Variants in ZCCHC2 observed in about 807,000 individuals in gnomAD.
ZCCHC2 encodes the protein zinc finger CCHC-type containing 2, also known as zinc finger CCHC domain-containing protein 2.
A neutral mutation model predicts 103.6 loss-of-function variants in ZCCHC2; 39 were observed. That is an observed-to-expected ratio of 0.38 (90% CI 0.29 to 0.49). ZCCHC2 has a LOEUF of 0.49. Ranked by LOEUF, ZCCHC2 falls within the 20% of genes least tolerant of loss-of-function variation. The pLI, the probability that ZCCHC2 is intolerant of heterozygous loss-of-function variation, is 0.96. For missense variants in ZCCHC2, 1,483 were observed against 1,491.0 expected, an observed-to-expected ratio of 0.99 and a Z score of 0.09; for synonymous variants, 687 against 608.9, an observed-to-expected ratio of 1.13 and a Z score of -1.89.
downstream of ZCCHC2, among the ~76,000 whole-genome samples, chr18:62,579,107 T>C (rs1422390466): frequency 2.6e-5 from 4 of 152,118 alleles, no homozygotes; most frequent in Non-Finnish European, 4.4e-5. Flanking sequence ...GCGTGACCAC[T>C]AGAGAAAGGG....
At chr18:62,539,250 A>G (rs1178855848) in intron 1 of ZCCHC2, among the ~76,000 whole-genome samples, 1 of 152,194 alleles carries the variant, frequency 6.6e-6, no homozygotes, top group African/African-American at 2.4e-5. Context: ...TATTGATGAT[A>G]CCTTTCATAA....
At position 62,576,480 on chromosome 18, in the gene ZCCHC2, G is replaced by A. The variant is rs190302004; in HGVS notation, c.3470-32G>A. On this transcript the variant is annotated intron_variant, in intron 13 of 13. Transcript: ENST00000269499. Reference sequence around the variant, plus strand: ...GGTTTGTGATGACGTTTGCTTGTAAGCGGTGACTTAGTTCTGTCTTTCCCA... The same window carrying A: ...GGTTTGTGATGACGTTTGCTTGTAAACGGTGACTTAGTTCTGTCTTTCCCA... 1,450 of 1,588,806 alleles carry A rather than the reference G, an allele frequency of 9.1e-4. 1 individual carries two copies. Among genetic ancestry groups the A allele is most frequent in the Non-Finnish European group, 1.1e-3 (1,274 of 1,158,060 alleles).
chr18:62,576,446 G>A, intron 13 of ZCCHC2, 66 bp from the exon 14 acceptor site: 1 of 1,402,362 alleles, frequency 7.1e-7, no homozygotes, highest in Non-Finnish European at 1.0e-6. Context: ...GTGATAGCTT[G>A]TACGTAGTGG....
chr18:62,579,233 A>G (rs986816769), downstream of ZCCHC2, among the ~76,000 whole-genome samples: 1 of 152,240 alleles, frequency 6.6e-6, no homozygotes, highest in East Asian at 1.9e-4. Context: ...TTTAGCCACT[A>G]AAAGTGTAAA....
At chr18:62,525,794 T>C (rs1350545872) in intron 1 of ZCCHC2, 1 of 152,194 alleles carries the variant, frequency 6.6e-6, no homozygotes, top group Non-Finnish European at 1.5e-5. Context: ...ACCACTAGCA[T>C]GCAGTGCGTG....
At chr18:62,530,623 G>C (rs1914635578) in intron 1 of ZCCHC2, among the ~76,000 whole-genome samples, 1 of 152,040 alleles carries the variant, frequency 6.6e-6, no homozygotes, top group South Asian at 2.1e-4. Flanking sequence ...CAATTGAAAA[G>C]GTGGTATTTG....
intron 5 of ZCCHC2, among the ~76,000 whole-genome samples, chr18:62,553,261 T>A (rs566643411): frequency 8.9e-4 from 136 of 152,022 alleles, no homozygotes; most frequent in Non-Finnish European, 1.6e-3. Flanking sequence ...TTCTGCCACT[T>A]TTTTCTTTAA....
At chr18:62,550,141 T>C (rs943964408) in intron 4 of ZCCHC2, among the ~76,000 whole-genome samples, 3 of 152,012 alleles carry the variant, frequency 2.0e-5, no homozygotes, top group Non-Finnish European at 4.4e-5. Context: ...AGCCCTGAGG[T>C]TCAGTCAGAA....
chr18:62,532,362 C>T (rs1489426094), intron 1 of ZCCHC2, among the ~76,000 whole-genome samples: 1 of 152,232 alleles, frequency 6.6e-6, no homozygotes, highest in Non-Finnish European at 1.5e-5. Context: ...ACACCGTTCT[C>T]TGTTGGGACT....
intron 1 of ZCCHC2, chr18:62,526,745 C>G (rs377272554): frequency 2.6e-5 from 4 of 152,180 alleles, no homozygotes; most frequent in South Asian, 4.1e-4. Context: ...ACGCAACGCC[C>G]GGAGCTAGCG....
At chr18:62,557,157 C>T (rs1484287445) in intron 6 of ZCCHC2, among the ~76,000 whole-genome samples, 2 of 152,118 alleles carry the variant, frequency 1.3e-5, no homozygotes, top group African/African-American at 2.4e-5. Flanking sequence ...TGAGTTTTGC[C>T]CTCTTATTTC....
chr18:62,524,118 GAGA>G lies in ZCCHC2; in HGVS notation c.697_699del (p.Lys233del). ...GGACGGCGACGGCGAGCAGGACGCC[GAGA>G]AGGACGGCTCAGGCCCGGAAGGCGG... On this transcript the variant is annotated inframe_deletion, in exon 1 of 14. Coordinates refer to ENST00000269499, the MANE Select transcript of ZCCHC2 (RefSeq NM_017742.6). 6.5e-7 allele frequency: 1 copy of G among 1,529,370 alleles called. No homozygotes were observed. Among genetic ancestry groups the G allele is most frequent in the Non-Finnish European group, 8.8e-7 (1 of 1,141,752 alleles). The allele number at this position is 1,529,370 out of a possible 1,614,324, so 94.7% of individuals were successfully genotyped here.
Position 62,524,110 on chromosome 18 carries a change from A to T in ZCCHC2, c.686A>T (p.Gln229Leu). 1 of 1,524,442 alleles carries T rather than the reference A, an allele frequency of 6.6e-7. No individual in the cohort carries two copies. Among genetic ancestry groups the T allele is most frequent in the Non-Finnish European group, 8.8e-7 (1 of 1,140,354 alleles). 94.4% of individuals were successfully genotyped at this position (1,524,442 alleles called of 1,614,324 possible). A position where few individuals can be genotyped will look rare whatever the true frequency, so the allele number is the denominator to read the frequency against. The change falls in exon 1 of 14, where the codon CAG becomes CTG. Residue 229 changes from glutamine (Q) to leucine (L), a missense_variant. Around this residue, in one of 3 missense-constraint regions of ZCCHC2, gnomAD observed 568 missense variants for 525.1 expected, o/e 1.08. Transcript: ENST00000269499. The stretch of plus-strand genomic sequence containing the variant: ...CGCGGCGAGGACGGCGACGGCGAGC[A>T]GGACGCCGAGAAGGACGGCTCAGGC... ...DERGEDGDGE[Q>L]DAEKDGSGPE... is the part of the protein sequence containing the mutation.
At chr18:62,557,158 C>G (rs747466420) in intron 6 of ZCCHC2, among the ~76,000 whole-genome samples, 1 of 152,184 alleles carries the variant, frequency 6.6e-6, no homozygotes, top group Non-Finnish European at 1.5e-5. Context: ...GAGTTTTGCC[C>G]TCTTATTTCA....
chr18:62,523,430 G>A lies in ZCCHC2; in HGVS notation c.6G>A (p.Leu2=), dbSNP rs1914144141. The change falls in exon 1 of 14, where the codon CTG becomes CTA. Residue 2 remains leucine (L), a synonymous_variant. Transcript: ENST00000269499. ...CTGCGCCGCCCTAGCCGAGGATGCT[G>A]AGGATGAAGCTGCCGCTGAAGCCAA... M[L]RMKLPLKPTH... 8.2e-6 allele frequency: 9 copies of A among 1,095,194 alleles called. No individual in the cohort carries two copies. Among genetic ancestry groups the A allele is most frequent in the Non-Finnish European group, 1.0e-5 (9 of 889,372 alleles). The allele number at this position is 1,095,194 out of a possible 1,614,324, so 67.8% of individuals were successfully genotyped here. A position where few individuals can be genotyped will look rare whatever the true frequency, so the allele number is the denominator to read the frequency against.
At position 62,523,826 on chromosome 18, in the gene ZCCHC2, G is replaced by A; in HGVS notation, c.402G>A (p.Leu134=). ...PLELRFLGSC[L]EDLARKDYHY... ...AGCTGCGCTTCCTTGGCTCGTGCCTGGAGGACCTGGCGCGCAAGGACTACC... is the reference window on the plus strand; with the variant it reads ...AGCTGCGCTTCCTTGGCTCGTGCCTAGAGGACCTGGCGCGCAAGGACTACC... The change falls in exon 1 of 14, where the codon CTG becomes CTA. Residue 134 remains leucine, a synonymous_variant. Coordinates refer to ENST00000269499, the MANE Select transcript of ZCCHC2 (RefSeq NM_017742.6). 6.5e-7 allele frequency: 1 copy of A among 1,544,670 alleles called. No homozygotes were observed. Among genetic ancestry groups the A allele is most frequent in the Non-Finnish European group, 8.7e-7 (1 of 1,146,288 alleles).
chr18:62,548,672 C>T (rs1598944142), intron 4 of ZCCHC2, among the ~76,000 whole-genome samples: 2 of 152,206 alleles, frequency 1.3e-5, no homozygotes, highest in Non-Finnish European at 2.9e-5. Flanking sequence ...CCTGTAATCC[C>T]AGCACTTTGG....
chr18:62,556,920 C>G (rs1915908657), intron 6 of ZCCHC2, among the ~76,000 whole-genome samples: 1 of 152,202 alleles, frequency 6.6e-6, no homozygotes, highest in Non-Finnish European at 1.5e-5. Context: ...CCTGCTTGGT[C>G]TGAAATTCAG....
At chr18:62,527,075 ATTCTTT>A (rs1265788271) in intron 1 of ZCCHC2, 23 of 134,508 alleles carry the variant, frequency 1.7e-4, no homozygotes, top group Admixed American at 1.4e-3. Flanking sequence ...ATTGGGAGTC[ATTCTTT>A]TTCTTAACTA....
Sources: gnomAD v4.1 joint callset for allele counts (sites outside exome capture counted in the v4.1 genomes callset) on GRCh38, gnomAD v4.1.1 for gene constraint, gnomAD v4.1.1 regional missense constraint, MANE v1.5 for transcripts, NCBI Gene and HGNC (gene_info 2026-07-23, HGNC 2026-07-21) for gene names.